The following KLHDC8A variants were observed in gnomAD, a reference collection of about 807,000 sequenced individuals.
The protein encoded by KLHDC8A is kelch domain-containing protein 8A.
A neutral mutation model predicts 33.1 loss-of-function variants in KLHDC8A; 21 were observed. The ratio of observed to expected loss-of-function variants is 0.64; its 90% confidence interval spans 0.45 to 0.91. The LOEUF (loss-of-function observed/expected upper bound fraction) is 0.91, where lower values mean the gene tolerates loss of function less well. Among genes scored for constraint, KLHDC8A ranks in the 40% least tolerant of loss-of-function variants. The pLI is 0.00. For synonymous variants in KLHDC8A, 173 were observed against 193.5 expected (o/e 0.89, Z 0.88); for missense variants, 435 against 483.3 (o/e 0.90, Z 0.94).
At chr1:205,346,942 C>T (rs931418829) in intron 1 of KLHDC8A, among the ~76,000 whole-genome samples, 1 of 152,126 alleles carries the variant, frequency 6.6e-6, no homozygotes, top group Admixed American at 6.6e-5. Context: ...GAATAGGCCC[C>T]CATTCTAAAC....
At chr1:205,352,108 C>T (rs1663129201) in intron 1 of KLHDC8A, among the ~76,000 whole-genome samples, 2 of 152,094 alleles carry the variant, frequency 1.3e-5, no homozygotes, top group Admixed American at 1.3e-4. Flanking sequence ...CCCGGGCCCT[C>T]CAGAGAGCCG....
At position 205,338,528 on chromosome 1, in the gene KLHDC8A, G is replaced by A. The variant is rs1402348153; in HGVS notation, c.826C>T (p.Leu276=). 3 of 1,614,138 alleles carry A rather than the reference G, an allele frequency of 1.9e-6. No individual in the cohort carries two copies. The highest frequency in any genetic ancestry group is 1.3e-5 in the African/African-American group (1 of 75,046). The part of the protein sequence containing the change: ...KRRADFVAGS[L]SGRVIVAGGL... Reference sequence around the variant, plus strand: ...CCAGCCACTATGACCCGTCCACTCAGAGAGCCAGCCACAAAATCTGCCCGC... The same window carrying A: ...CCAGCCACTATGACCCGTCCACTCAAAGAGCCAGCCACAAAATCTGCCCGC... Residue 276 remains leucine, a synonymous_variant, in exon 5 of 6, where the codon CTG becomes TTG. Coordinates refer to ENST00000367155, the MANE Select transcript of KLHDC8A (RefSeq NM_018203.3).
At chr1:205,354,075 G>T (rs1663196556) in intron 1 of KLHDC8A, among the ~76,000 whole-genome samples, 1 of 152,216 alleles carries the variant, frequency 6.6e-6, no homozygotes, top group African/African-American at 2.4e-5. Flanking sequence ...CTACCCCCAT[G>T]AACAGGCAGG....
intron 1 of KLHDC8A, among the ~76,000 whole-genome samples, chr1:205,352,595 C>T (rs530668429): frequency 2.6e-5 from 4 of 152,162 alleles, no homozygotes; most frequent in Admixed American, 1.3e-4. Context: ...AGGGCGGGGA[C>T]GCGTGATGAG....
chr1:205,337,334 G>T lies in KLHDC8A; in HGVS notation c.*65C>A. 7.4e-7 allele frequency: 1 copy of T among 1,353,694 alleles called. No individual in the cohort carries two copies. Among genetic ancestry groups the T allele is most frequent in the African/African-American group, 1.4e-5 (1 of 70,038 alleles). The allele number at this position is 1,353,694 out of a possible 1,614,324, so 83.9% of individuals were successfully genotyped here. A position where few individuals can be genotyped will look rare whatever the true frequency, so the allele number is the denominator to read the frequency against. On this transcript the variant is annotated 3_prime_UTR_variant, in exon 6 of 6. Coordinates refer to ENST00000367155, the MANE Select transcript of KLHDC8A (RefSeq NM_018203.3). Reference sequence around the variant, plus strand: ...GAAGTAGCCCCGACTGCTTGGACAAGATCATTCCTCATGTTAAGAGTGAAG... The same window carrying T: ...GAAGTAGCCCCGACTGCTTGGACAATATCATTCCTCATGTTAAGAGTGAAG...
At chr1:205,349,687 T>C (rs954387074) in intron 1 of KLHDC8A, among the ~76,000 whole-genome samples, 3 of 152,138 alleles carry the variant, frequency 2.0e-5, no homozygotes, top group African/African-American at 7.2e-5. Flanking sequence ...ATTTGAGTTA[T>C]AAACAAGGAA....
intron 5 of KLHDC8A, 24 bp from the exon 6 acceptor site, chr1:205,337,616 C>T: frequency 6.3e-7 from 1 of 1,581,186 alleles, no homozygotes; most frequent in Non-Finnish European, 8.6e-7. Flanking sequence ...GGGAATCAGA[C>T]CTTACAAAGG....
In KLHDC8A at chr1:205,343,799, G is replaced by A. The variant is rs1030467712; in HGVS notation, c.-189-6C>T. 3.3e-6 allele frequency: 2 copies of A among 609,774 alleles called. No homozygotes were observed. The highest frequency in any genetic ancestry group is 2.4e-5 in the South Asian group (1 of 41,968). 37.8% of individuals were successfully genotyped at this position (609,774 alleles called of 1,614,324 possible). On this transcript the variant is annotated splice_region_variant and splice_polypyrimidine_tract_variant and intron_variant, in intron 1 of 5. Coordinates refer to ENST00000367155, the MANE Select transcript of KLHDC8A (RefSeq NM_018203.3). ...GGCGGCGTCCACGCCTGGCCCTGCG[G>A]GGGGAACGCGGTGAATCAAGGGCAG... is the stretch of plus-strand genomic sequence containing the variant.
chr1:205,338,036 C>T (rs1662682492), intron 5 of KLHDC8A, among the ~76,000 whole-genome samples: 4 of 152,184 alleles, frequency 2.6e-5, no homozygotes, highest in Admixed American at 2.6e-4. Context: ...GTCCCTCCTT[C>T]AAAATACTAG....
chr1:205,345,129 G>T (rs1211941611), intron 1 of KLHDC8A, among the ~76,000 whole-genome samples: 1 of 152,156 alleles, frequency 6.6e-6, no homozygotes, highest in East Asian at 1.9e-4. Context: ...AAGGCCGATG[G>T]GATCTTCCTC....
Position 205,356,608 on chromosome 1 carries a change from C to T in KLHDC8A, c.-265G>A, listed in dbSNP as rs1254945547. Reference sequence around the variant, plus strand: ...AGAAGGGGAGGGGCCGGGAGAGGGTCGAGCGGGTGTTGGCTCTGAGGCTTG... The same window carrying T: ...AGAAGGGGAGGGGCCGGGAGAGGGTTGAGCGGGTGTTGGCTCTGAGGCTTG... On this transcript the variant is annotated 5_prime_UTR_variant, in exon 1 of 6. Coordinates refer to ENST00000367155, the MANE Select transcript of KLHDC8A (RefSeq NM_018203.3). 4.4e-6 allele frequency: 2 copies of T among 456,076 alleles called. No individual in the cohort carries two copies. Among genetic ancestry groups the T allele is most frequent in the South Asian group, 1.5e-5 (1 of 64,530 alleles). 28.3% of individuals were successfully genotyped at this position (456,076 alleles called of 1,614,324 possible).
rs986322096 is a variant in KLHDC8A, at chr1:205,343,806, C to T, written c.-189-13G>A. On this transcript the variant is annotated splice_polypyrimidine_tract_variant and intron_variant, in intron 1 of 5. Transcript: ENST00000367155. Reference sequence around the variant, plus strand: ...TCCACGCCTGGCCCTGCGGGGGGAACGCGGTGAATCAAGGGCAGCTGGGGC... The same window carrying T: ...TCCACGCCTGGCCCTGCGGGGGGAATGCGGTGAATCAAGGGCAGCTGGGGC... 1.0e-5 allele frequency: 6 copies of T among 591,796 alleles called. No homozygotes were observed. The highest frequency in any genetic ancestry group is 1.4e-5 in the Non-Finnish European group (5 of 356,080). The allele number at this position is 591,796 out of a possible 1,614,324, so 36.7% of individuals were successfully genotyped here. A position where few individuals can be genotyped will look rare whatever the true frequency, so the allele number is the denominator to read the frequency against.
rs1574917162 is a variant in KLHDC8A, at chr1:205,353,569, T to A, written c.-190+2964A>T. 3.3e-5 allele frequency among the ~76,000 whole-genome samples: 5 copies of A among 152,308 alleles called. No homozygotes were observed. In the East Asian group the frequency reaches 9.6e-4, roughly 29 times the overall value. On this transcript the variant is annotated intron_variant, in intron 1 of 5. Transcript: ENST00000367155. Reference sequence around the variant, plus strand: ...TTGTTTGTGTGATACAAGGTCTCACTCTGTCACCCAGGCTGGAGTGCAGTG... The same window carrying A: ...TTGTTTGTGTGATACAAGGTCTCACACTGTCACCCAGGCTGGAGTGCAGTG...
Position 205,339,576 on chromosome 1 carries a change from C to T in KLHDC8A, c.541+68G>A. On this transcript the variant is annotated intron_variant, in intron 3 of 5. Transcript: ENST00000367155. This position sits in a 1 kb window ranked among gnomAD's most constrained non-coding sequence, Gnocchi z 5.1. ...CGAGGAGATGCTCAGCACACAGGCA[C>T]TGCTTCCTATGGGAACTGAGCCAAG... 1.3e-6 allele frequency: 2 copies of T among 1,560,478 alleles called. No individual in the cohort carries two copies. Among genetic ancestry groups the T allele is most frequent in the South Asian group, 1.2e-5 (1 of 86,524 alleles).
intron 1 of KLHDC8A, among the ~76,000 whole-genome samples, chr1:205,350,093 T>C (rs565765944): frequency 2.5e-4 from 38 of 152,280 alleles, no homozygotes; most frequent in Non-Finnish European, 4.1e-4. Flanking sequence ...TTCTGCCAGG[T>C]GATACGATCG....
In KLHDC8A at chr1:205,337,517, A is replaced by T; in HGVS notation, c.935T>A (p.Met312Lys). 6.2e-7 allele frequency: 1 copy of T among 1,613,980 alleles called. No homozygotes were observed. Among genetic ancestry groups the T allele is most frequent in the African/African-American group, 1.3e-5 (1 of 75,018 alleles). The change falls in exon 6 of 6, where the codon ATG becomes AAG. Residue 312 changes from methionine (M) to lysine (K), a missense_variant. Physicochemically the swap from Met to Lys is moderately conservative, Grantham distance 95. Transcript: ENST00000367155. ...GKNKWEILPA[M>K]PTPRCACSSI... Reference sequence around the variant, plus strand: ...GGAGCAGGCACAGCGGGGTGTGGGCATGGCAGGGAGGATCTCCCATTTGTT... The same window carrying T: ...GGAGCAGGCACAGCGGGGTGTGGGCTTGGCAGGGAGGATCTCCCATTTGTT...
rs186893192 is a variant in KLHDC8A at position 205,345,460 on chromosome 1, G to A, written c.-189-1667C>T. Among the ~76,000 whole-genome samples, 7 of 152,242 alleles carry A rather than the reference G, an allele frequency of 4.6e-5. No homozygotes were observed. In the East Asian group the frequency reaches 1.2e-3, roughly 25 times the overall value. On this transcript the variant is annotated intron_variant, in intron 1 of 5. Coordinates refer to ENST00000367155, the MANE Select transcript of KLHDC8A (RefSeq NM_018203.3). ...GTAAAGATACAATATAATTCTGGCC[G>A]GGTGCGGTGGCTCATACTTGTAATC...
intron 1 of KLHDC8A, among the ~76,000 whole-genome samples, chr1:205,344,741 T>C (rs1277447223): frequency 6.6e-6 from 1 of 151,992 alleles, no homozygotes; most frequent in African/African-American, 2.4e-5. Context: ...ATATAACATA[T>C]ACACCCACTT....
rs116727173 is a variant in KLHDC8A, at chr1:205,343,476, G to A, written c.129C>T (p.Gly43=). 2,012 of 1,613,536 alleles carry A rather than the reference G, an allele frequency of 1.2e-3. 19 individuals carry two copies. The African/African-American group carries it at 0.024, about 19-fold the overall frequency. The change falls in exon 2 of 6, where the codon GGC becomes GGT. Residue 43 remains glycine, a synonymous_variant. Coordinates refer to ENST00000367155, the MANE Select transcript of KLHDC8A (RefSeq NM_018203.3). Reference sequence around the variant, plus strand: ...AGACCTCGAAGCAGTCCATGGGGACGCCGTTGTCGTCACATCCCCCGATGG... The same window carrying A: ...AGACCTCGAAGCAGTCCATGGGGACACCGTTGTCGTCACATCCCCCGATGG... The part of the protein sequence containing the change: ...VYAIGGCDDN[G]VPMDCFEVYS...
Sources: allele counts gnomAD v4.1 joint callset (sites outside exome capture counted in the v4.1 genomes callset), GRCh38; gene constraint gnomAD v4.1.1; non-coding constraint Gnocchi (gnomAD v3.1); transcripts MANE v1.5; gene names NCBI Gene and HGNC (gene_info 2026-07-23, HGNC 2026-07-21).